The following CDKL5 variants were observed in gnomAD, a reference collection of about 807,000 sequenced individuals.
CDKL5 encodes the protein cyclin dependent kinase like 5.
Under a neutral mutation model 61.7 loss-of-function variants are expected in CDKL5, and 8 were observed. The observed-to-expected ratio is 0.13, with a 90% CI of 0.08 to 0.23. CDKL5 has a LOEUF of 0.23. Ranked by LOEUF, CDKL5 falls within the 10% of genes least tolerant of loss-of-function variation. The pLI is 1.00. For synonymous variants in CDKL5, 275 were observed against 272.3 expected, an observed-to-expected ratio of 1.01 and a Z score of -0.10; for missense variants, 440 against 734.5, an observed-to-expected ratio of 0.60 and a Z score of 4.63.
chrX:18,429,707 C>T (rs1379490052), intron 1 of CDKL5, among the ~76,000 whole-genome samples: 1 of 112,141 alleles, frequency 8.9e-6, no homozygotes, highest in Non-Finnish European at 1.9e-5. Flanking sequence ...GTGATCACAG[C>T]TTGCTGCACC....
chrX:18,489,286 G>T (rs899221608), intron 1 of CDKL5, among the ~76,000 whole-genome samples: 1 of 110,529 alleles, frequency 9.0e-6, no homozygotes, highest in African/African-American at 3.3e-5. Context: ...TCAGCCTCCC[G>T]AGTAGCTGGG....
intron 4 of CDKL5, among the ~76,000 whole-genome samples, chrX:18,572,989 G>A (rs981012354): frequency 8.9e-6 from 1 of 111,917 alleles, no homozygotes; most frequent in Non-Finnish European, 1.9e-5. Flanking sequence ...ACTTGCTTTT[G>A]TGGTCTGGGA....
chrX:18,621,913 C>T (rs1746388377), intron 16 of CDKL5, among the ~76,000 whole-genome samples: 1 of 112,141 alleles, frequency 8.9e-6, no homozygotes, highest in Admixed American at 9.5e-5. Flanking sequence ...GTTTCTCTAT[C>T]ATGAGCGTTA....
intron 2 of CDKL5, among the ~76,000 whole-genome samples, chrX:18,509,197 G>GCACGCGCGCACACACACACACACA (rs1204561636): frequency 6.2e-5 from 4 of 64,308 alleles, no homozygotes; most frequent in South Asian, 1.1e-3. Flanking sequence ...CTCAAAACAC[G>GCACGCGCGCACACACACACACACA]CACACACACA....
chrX:18,463,751 A>G (rs1388276539), intron 1 of CDKL5, among the ~76,000 whole-genome samples: 3 of 112,315 alleles, frequency 2.7e-5, no homozygotes, highest in Non-Finnish European at 5.6e-5. Context: ...TGCAACTAAG[A>G]AGAAAAAAGA....
intron 6 of CDKL5, among the ~76,000 whole-genome samples, chrX:18,580,872 A>G (rs1925457253): frequency 8.9e-6 from 1 of 111,927 alleles, no homozygotes; most frequent in Non-Finnish European, 1.9e-5. Flanking sequence ...GAAGAATGCC[A>G]TCGTCTTTTA....
At position 18,628,646 on chromosome X, in the gene CDKL5, T is replaced by C; in HGVS notation, c.2772T>C (p.Pro924=). The C allele has an allele frequency of 8.3e-7, 1 of 1,209,686 alleles. No homozygotes were observed. The highest frequency in any genetic ancestry group is 1.1e-6 in the Non-Finnish European group (1 of 894,207). Residue 924 remains proline, a synonymous_variant, in exon 18 of 18, where the codon CCT becomes CCC. Coordinates refer to ENST00000623535, the MANE Select transcript of CDKL5 (RefSeq NM_001323289.2). ...SSVTRSATEG[P]SYSEQLGAKS... The stretch of plus-strand genomic sequence containing the variant: ...TGACCAGGAGTGCCACAGAGGGCCC[T>C]TCCTACTCTGAACAGCTGGGTGCCA...
At chrX:18,477,079 T>C (rs1921344856) in intron 1 of CDKL5, among the ~76,000 whole-genome samples, 1 of 102,594 alleles carries the variant, frequency 9.7e-6, no homozygotes, top group South Asian at 4.2e-4. Flanking sequence ...TGAATCTTGT[T>C]TTTTAATTTT....
intron 1 of CDKL5, among the ~76,000 whole-genome samples, chrX:18,498,275 T>A (rs1229634400): frequency 1.8e-5 from 2 of 112,423 alleles, no homozygotes; most frequent in Admixed American, 1.9e-4. Context: ...TGCCTGTTTT[T>A]AAACTGTATA....
intron 20 of CDKL5, among the ~76,000 whole-genome samples, chrX:18,649,129 A>G (rs1227045195): frequency 9.0e-6 from 1 of 110,678 alleles, no homozygotes; most frequent in East Asian, 2.8e-4. Context: ...TTTTTTTACC[A>G]TGTGAGTTAA....
intron 1 of CDKL5, among the ~76,000 whole-genome samples, chrX:18,433,817 T>C (rs1931551991): frequency 8.9e-6 from 1 of 112,403 alleles, no homozygotes; most frequent in Non-Finnish European, 1.9e-5. Context: ...AAGAAAAAGT[T>C]ACTTTCAAAT....
exon 21 of CDKL5, chrX:18,650,529 T>A: frequency 8.3e-7 from 1 of 1,211,810 alleles, no homozygotes; most frequent in South Asian, 1.8e-5. Flanking sequence ...CCGAGGCACT[T>A]CCATGTGCCC....
intron 16 of CDKL5, among the ~76,000 whole-genome samples, chrX:18,620,947 C>T (rs2147172987): frequency 9.0e-6 from 1 of 111,416 alleles, no homozygotes; most frequent in Admixed American, 9.5e-5. Flanking sequence ...ACCATGTTGC[C>T]CAGGCTGGTC....
intron 1 of CDKL5, among the ~76,000 whole-genome samples, chrX:18,458,914 T>G (rs1469691192): frequency 1.8e-5 from 2 of 111,545 alleles, no homozygotes; most frequent in Admixed American, 1.9e-4. Context: ...CCTGGAGGGT[T>G]GGAAAAGCTT....
rs2147184482 is a variant in CDKL5 at position 18,636,521 on chromosome X, G to A, written c.*7764G>A. The stretch of plus-strand genomic sequence containing the variant: ...AGGGCCAGGATTTGAAGCCGAATAT[G>A]TTCATTGTAAAGCCCATATACCCTT... On this transcript the variant is annotated 3_prime_UTR_variant, in exon 18 of 18. Transcript: ENST00000623535. 9.0e-6 allele frequency: 1 copy of A among 110,623 alleles called. No individual in the cohort carries two copies. The highest frequency in any genetic ancestry group is 9.7e-5 in the Admixed American group (1 of 10,322). The allele number at this position is 110,623 out of a possible 1,213,427, so 9.1% of individuals were successfully genotyped here. A position where few individuals can be genotyped will look rare whatever the true frequency, so the allele number is the denominator to read the frequency against.
At chrX:18,554,465 G>C (rs1924526822) in intron 3 of CDKL5, among the ~76,000 whole-genome samples, 1 of 101,836 alleles carries the variant, frequency 9.8e-6, no homozygotes, top group African/African-American at 3.6e-5. Context: ...GCCCAGGCTG[G>C]AGTACAGTGG....
At chrX:18,541,391 T>C (rs1249683572) in intron 3 of CDKL5, among the ~76,000 whole-genome samples, 1 of 112,446 alleles carries the variant, frequency 8.9e-6, no homozygotes, top group African/African-American at 3.2e-5. Flanking sequence ...GTTGTTAAGA[T>C]TGGATTATTT....
chrX:18,469,819 G>A (rs1377354453), intron 1 of CDKL5, among the ~76,000 whole-genome samples: 1 of 111,734 alleles, frequency 8.9e-6, no homozygotes, highest in Non-Finnish European at 1.9e-5. Flanking sequence ...TTATTTCAAA[G>A]AAGACTTCTT....
In CDKL5 at chrX:18,590,450, T is replaced by C. The variant is rs182290505; in HGVS notation, c.744+2307T>C. ...GCACTTTGTTTTTTTCTTTTGATTT[T>C]CTGGCCCCCAGTTAATTTCCCTTTA... On this transcript the variant is annotated intron_variant, in intron 9 of 17. Coordinates refer to ENST00000623535, the MANE Select transcript of CDKL5 (RefSeq NM_001323289.2). Among the ~76,000 whole-genome samples, 482 of 112,226 alleles carry C rather than the reference T, an allele frequency of 4.3e-3. 2 individuals carry two copies. Among genetic ancestry groups the C allele is most frequent in the Middle Eastern group, 0.041 (9 of 217 alleles).
Sources: gnomAD v4.1 joint callset for allele counts (sites outside exome capture counted in the v4.1 genomes callset) on GRCh38, gnomAD v4.1.1 for gene constraint, MANE v1.5 for transcripts, NCBI Gene and HGNC (gene_info 2026-07-23, HGNC 2026-07-21) for gene names.